Variants in SRPK2 observed in about 807,000 individuals in gnomAD.
SRPK2 encodes SFRS protein kinase 2.
Under a neutral mutation model 90.8 loss-of-function variants are expected in SRPK2, and 21 were observed. The observed-to-expected ratio is 0.23, with a 90% CI of 0.16 to 0.33. The LOEUF (loss-of-function observed/expected upper bound fraction) is 0.33, where lower values mean the gene tolerates loss of function less well. SRPK2 is among the 10% of genes least tolerant of loss of function. The probability of loss-of-function intolerance (pLI) is 1.00; values close to 1 mark genes in which losing one functional copy is unlikely to be tolerated. For synonymous variants in SRPK2, 288 were observed against 311.1 expected (o/e 0.93, Z 0.78); for missense variants, 620 against 869.0 (o/e 0.71, Z 3.60).
chr7:105,233,543 T>G (rs192478129), intron 2 of SRPK2, among the ~76,000 whole-genome samples: 10 of 152,316 alleles, frequency 6.6e-5, no homozygotes, highest in Non-Finnish European at 1.5e-4. Context: ...AAATAGTTCC[T>G]TTATAATTCC....
rs1266411552 is a variant in SRPK2 at position 105,162,438 on chromosome 7, C to T, written c.515-1825G>A. Among the ~76,000 whole-genome samples the T allele has an allele frequency of 5.9e-5, 9 of 152,164 alleles. No individual in the cohort carries two copies. The East Asian group carries it at 1.7e-3, about 29-fold the overall frequency. On this transcript the variant is annotated intron_variant, in intron 6 of 15. Transcript: ENST00000393651. ...TCATGTCATTCATACAGGAAGATTA[C>T]AAATGGCTCTGAAACCCTTTGAGAA...
intron 2 of SRPK2, among the ~76,000 whole-genome samples, chr7:105,281,668 T>TA (rs58671941): frequency 0.029 from 4,231 of 145,416 alleles, 98 homozygotes; most frequent in Non-Finnish European, 0.041. Context: ...GTTGCTAAGG[T>TA]AAAAAAAAAA....
rs577099355 is a variant in SRPK2, at chr7:105,362,664, A to C, written c.71+25984T>G. On this transcript the variant is annotated intron_variant, in intron 2 of 15. Coordinates refer to ENST00000393651, the MANE Select transcript of SRPK2 (RefSeq NM_182692.3). ...GATTTCTCAAGGATCTAGAAATAGAAATACCATTTCACCCAGCCATCCCAT... is the reference window on the plus strand; with the variant it reads ...GATTTCTCAAGGATCTAGAAATAGACATACCATTTCACCCAGCCATCCCAT... Among the ~76,000 whole-genome samples, 4 of 152,298 alleles carry C rather than the reference A, an allele frequency of 2.6e-5. No homozygotes were observed. The East Asian group carries it at 7.7e-4, about 29-fold the overall frequency.
At chr7:105,227,777 TG>T (rs1202914950) in intron 2 of SRPK2, among the ~76,000 whole-genome samples, 1 of 151,248 alleles carries the variant, frequency 6.6e-6, no homozygotes, top group African/African-American at 2.4e-5. Flanking sequence ...AACATGTACA[TG>T]AATGTTCAGT....
intron 15 of SRPK2, 98 bp downstream of exon 15, chr7:105,126,150 T>C (rs1368965562): frequency 2.8e-6 from 3 of 1,056,732 alleles, no homozygotes; most frequent in Non-Finnish European, 4.3e-6. Context: ...CGTTTCGAAT[T>C]TAGGAGAAAT....
chr7:105,172,456 G>C (rs1791277199), intron 3 of SRPK2, among the ~76,000 whole-genome samples: 1 of 152,202 alleles, frequency 6.6e-6, no homozygotes. Context: ...TTTTAATACA[G>C]AGTGAGAACC....
chr7:105,371,455 A>C (rs887124946), intron 2 of SRPK2, among the ~76,000 whole-genome samples: 1 of 146,678 alleles, frequency 6.8e-6, no homozygotes, highest in Non-Finnish European at 1.5e-5. Context: ...ATATGAATTC[A>C]AGAAATACTG....
chr7:105,225,430 C>G (rs1056247315), intron 2 of SRPK2, among the ~76,000 whole-genome samples: 16 of 152,136 alleles, frequency 1.1e-4, no homozygotes, highest in African/African-American at 3.9e-4. Context: ...TACATGAAAC[C>G]AGTAGTTTCT....
At chr7:105,313,019 T>TTA (rs1563225285) in intron 2 of SRPK2, among the ~76,000 whole-genome samples, 45 of 152,182 alleles carry the variant, frequency 3.0e-4, no homozygotes, top group African/African-American at 1.0e-3. Flanking sequence ...CATTTGAAAC[T>TTA]ACTAATGAAT....
chr7:105,337,722 C>T (rs1248592018), intron 2 of SRPK2, among the ~76,000 whole-genome samples: 2 of 152,104 alleles, frequency 1.3e-5, no homozygotes, highest in African/African-American at 4.8e-5. Context: ...GAACAGGGCC[C>T]TCCTGGAACC....
upstream of SRPK2, among the ~76,000 whole-genome samples, chr7:105,389,938 G>C (rs1220106157): frequency 3.3e-5 from 5 of 152,096 alleles, no homozygotes; most frequent in African/African-American, 1.2e-4. Flanking sequence ...AACTCTGCTT[G>C]GATTTTGAAG....
chr7:105,181,903 AC>A lies in SRPK2; in HGVS notation c.230-12639del, dbSNP rs1792894103. 1.1e-4 allele frequency among the ~76,000 whole-genome samples: 14 copies of A among 131,200 alleles called. 1 individual carries two copies. The highest frequency in any genetic ancestry group is 5.0e-4 in the South Asian group (2 of 4,010). 86.1% of individuals were successfully genotyped at this position (131,200 alleles called of 152,430 possible). On this transcript the variant is annotated intron_variant, in intron 3 of 15. Transcript: ENST00000393651. ...AAGTAAAAAAAAAAAAAAACAGAAA[AC>A]ACACACACAAAAACCAAATGTAGGC...
intron 2 of SRPK2, among the ~76,000 whole-genome samples, chr7:105,257,849 C>A (rs1395008857): frequency 6.6e-6 from 1 of 152,178 alleles, no homozygotes; most frequent in African/African-American, 2.4e-5. Flanking sequence ...CAGTGGCTCA[C>A]ACCTGTAAAC....
At position 105,117,478 on chromosome 7, in the gene SRPK2, A is replaced by G. The variant is rs1271783420; in HGVS notation, c.*360T>C. ...TAAGATTGTAAATTATATAGTACTCAGCTAAAATATTTCTTCATAAATAGT... is the reference window on the plus strand; with the variant it reads ...TAAGATTGTAAATTATATAGTACTCGGCTAAAATATTTCTTCATAAATAGT... On this transcript the variant is annotated 3_prime_UTR_variant, in exon 16 of 16. Coordinates refer to ENST00000393651, the MANE Select transcript of SRPK2 (RefSeq NM_182692.3). The G allele has an allele frequency of 3.9e-6, 1 of 253,706 alleles. No homozygotes were observed. Among genetic ancestry groups the G allele is most frequent in the Non-Finnish European group, 7.6e-6 (1 of 131,174 alleles). The allele number at this position is 253,706 out of a possible 1,614,324, so 15.7% of individuals were successfully genotyped here. A position where few individuals can be genotyped will look rare whatever the true frequency, so the allele number is the denominator to read the frequency against.
intron 2 of SRPK2, among the ~76,000 whole-genome samples, chr7:105,273,367 C>G (rs1479283890): frequency 6.6e-6 from 1 of 152,054 alleles, no homozygotes; most frequent in Non-Finnish European, 1.5e-5. Context: ...TTTCCTCTCC[C>G]TGGAATACCA....
intron 2 of SRPK2, among the ~76,000 whole-genome samples, chr7:105,345,980 T>G (rs1390269029): frequency 6.6e-6 from 1 of 152,244 alleles, no homozygotes; most frequent in Non-Finnish European, 1.5e-5. Context: ...GTTTAAAACG[T>G]TACATACTTC....
rs548572537 is a variant in SRPK2 at position 105,281,512 on chromosome 7, T to C, written c.72-77727A>G. ...TCAAGACTCCAGCGCTACCCACCAGTTGCAGTGGCACATGCCTGCAGTCCT... is the reference window on the plus strand; with the variant it reads ...TCAAGACTCCAGCGCTACCCACCAGCTGCAGTGGCACATGCCTGCAGTCCT... On this transcript the variant is annotated intron_variant, in intron 2 of 15. Coordinates refer to ENST00000393651, the MANE Select transcript of SRPK2 (RefSeq NM_182692.3). Among the ~76,000 whole-genome samples the C allele has an allele frequency of 1.7e-3, 254 of 152,304 alleles. 1 individual carries two copies. Among genetic ancestry groups the C allele is most frequent in the Non-Finnish European group, 2.9e-3 (200 of 68,028 alleles).
intron 2 of SRPK2, among the ~76,000 whole-genome samples, chr7:105,382,638 G>A (rs1821082156): frequency 6.8e-6 from 1 of 147,944 alleles, no homozygotes; most frequent in Non-Finnish European, 1.5e-5. Flanking sequence ...TACGCTGCAT[G>A]AAAAAAGGCG....
At chr7:105,310,579 G>C (rs979388499) in intron 2 of SRPK2, among the ~76,000 whole-genome samples, 1 of 152,028 alleles carries the variant, frequency 6.6e-6, no homozygotes, top group African/African-American at 2.4e-5. Flanking sequence ...AGGAGGCAGA[G>C]GTTGTAGAAG....
Sources: allele counts gnomAD v4.1 joint callset (sites outside exome capture counted in the v4.1 genomes callset), GRCh38; gene constraint gnomAD v4.1.1; transcripts MANE v1.5; gene names NCBI Gene and HGNC (gene_info 2026-07-23, HGNC 2026-07-21).